Variants in ART3 observed in about 807,000 individuals in gnomAD.
The protein encoded by ART3 is ADP-ribosyltransferase 3 (inactive), also known as ecto-ADP-ribosyltransferase 3.
ART3 carries 49 observed loss-of-function variants against 48.5 expected under a neutral mutation model. The observed-to-expected ratio is 1.01, with a 90% CI of 0.80 to 1.28. The LOEUF is 1.28. Among genes scored for constraint, ART3 ranks in the 50% most tolerant of loss-of-function variants. The probability of loss-of-function intolerance (pLI) is 0.00; values close to 1 mark genes in which losing one functional copy is unlikely to be tolerated. For synonymous variants in ART3, 145 were observed against 157.2 expected, an observed-to-expected ratio of 0.92 and a Z score of 0.58; for missense variants, 438 against 454.3, an observed-to-expected ratio of 0.96 and a Z score of 0.33.
chr4:76,091,410 T>C (rs1724860244), intron 3 of ART3, among the ~76,000 whole-genome samples: 1 of 152,216 alleles, frequency 6.6e-6, no homozygotes, highest in Admixed American at 6.5e-5. Context: ...CGACACTTGA[T>C]AGATGTCTTT....
upstream of ART3, among the ~76,000 whole-genome samples, chr4:76,072,774 A>G (rs1471531165): frequency 6.6e-6 from 1 of 151,582 alleles, no homozygotes; most frequent in Non-Finnish European, 1.5e-5. Context: ...ATCTTGTACT[A>G]CTCTAATGTT....
At chr4:76,051,894 CTCTCTTTTTTTT>C (rs1352720408) in intron 1 of ART3, among the ~76,000 whole-genome samples, 1 of 111,222 alleles carries the variant, frequency 9.0e-6, no homozygotes, top group Non-Finnish European at 1.7e-5. Context: ...ATCTCTCTCT[CTCTCTTTTTTTT>C]TTTTTTTTTT....
chr4:76,073,215 G>T (rs151092576), upstream of ART3, among the ~76,000 whole-genome samples: 3 of 152,296 alleles, frequency 2.0e-5, no homozygotes, highest in South Asian at 4.1e-4. Flanking sequence ...ATGAATGAAT[G>T]AAAGAAATTT....
chr4:76,021,790 C>G (rs3921), intron 1 of ART3: 464,769 of 808,708 alleles, frequency 0.57, 139,825 homozygotes, highest in East Asian at 0.94. Flanking sequence ...TGGTGACCAT[C>G]ATTGGTCACC....
chr4:76,044,915 CG>C (rs1735351012), intron 1 of ART3, among the ~76,000 whole-genome samples: 1 of 152,076 alleles, frequency 6.6e-6, no homozygotes. Context: ...TGGCATCCAG[CG>C]GGGGTTCCCA....
chr4:76,096,234 GTAA>G (rs1225556693), intron 3 of ART3, among the ~76,000 whole-genome samples: 1 of 152,080 alleles, frequency 6.6e-6, no homozygotes, highest in Non-Finnish European at 1.5e-5. Flanking sequence ...ACAACATTTT[GTAA>G]TAATCTCTAG....
At chr4:76,011,262 A>G (rs1259978159) in exon 1 of ART3, 1 of 152,540 alleles carries the variant, frequency 6.6e-6, no homozygotes, top group African/African-American at 2.4e-5. Context: ...GCCGCTGGGT[A>G]CGTTTGCTGC....
intron 3 of ART3, among the ~76,000 whole-genome samples, chr4:76,096,793 T>C (rs1726111513): frequency 6.6e-6 from 1 of 152,206 alleles, no homozygotes; most frequent in South Asian, 2.1e-4. Context: ...CCAAATATTG[T>C]GGATTTCCTC....
intron 1 of ART3, among the ~76,000 whole-genome samples, chr4:76,062,915 C>T (rs1416271306): frequency 6.6e-6 from 1 of 151,916 alleles, no homozygotes; most frequent in Non-Finnish European, 1.5e-5. Flanking sequence ...GGCCATTGAA[C>T]AATACACTTC....
At chr4:76,109,919 T>A (rs987354607) in intron 11 of ART3, among the ~76,000 whole-genome samples, 1 of 152,238 alleles carries the variant, frequency 6.6e-6, no homozygotes, top group African/African-American at 2.4e-5. Context: ...TTCTTGGTTT[T>A]ATTTATGAAA....
chr4:76,077,390 G>A (rs79770479), intron 2 of ART3, among the ~76,000 whole-genome samples: 17,798 of 152,060 alleles, frequency 0.12, 1,383 homozygotes, highest in East Asian at 0.35. Context: ...TGGCCGTACC[G>A]CATCTTGTTT....
At chr4:76,069,217 T>A (rs1720046403) in intron 1 of ART3, among the ~76,000 whole-genome samples, 1 of 151,652 alleles carries the variant, frequency 6.6e-6, no homozygotes, top group South Asian at 2.1e-4. Flanking sequence ...GTGACTTTTT[T>A]GGGGAGATGA....
At chr4:76,112,176 C>T (rs1036579990) in intron 11 of ART3, among the ~76,000 whole-genome samples, 1 of 152,104 alleles carries the variant, frequency 6.6e-6, no homozygotes, top group African/African-American at 2.4e-5. Context: ...ACCCCAACAC[C>T]CGTATTAAGG....
At chr4:76,044,902 C>T (rs1735349417) in intron 1 of ART3, among the ~76,000 whole-genome samples, 1 of 152,086 alleles carries the variant, frequency 6.6e-6, no homozygotes, top group African/African-American at 2.4e-5. Context: ...CATAACTTCC[C>T]TGTGGCATCC....
chr4:76,104,488 T>G (rs1038578295), intron 9 of ART3, 109 bp from the exon 10 acceptor site: 1 of 1,517,980 alleles, frequency 6.6e-7, no homozygotes, highest in Admixed American at 2.2e-5. Flanking sequence ...GAAACTATAG[T>G]GCATTGGGGC....
chr4:76,036,966 G>C (rs923056054), intron 1 of ART3: 1 of 180,976 alleles, frequency 5.5e-6, no homozygotes, highest in Non-Finnish European at 1.3e-5. Context: ...TAGTGAGTTT[G>C]GTCAGGCGCC....
chr4:76,080,306 A>G (rs1054236276), intron 2 of ART3, among the ~76,000 whole-genome samples: 2 of 152,194 alleles, frequency 1.3e-5, no homozygotes, highest in African/African-American at 2.4e-5. Flanking sequence ...TATAATACAT[A>G]TATTCCTAGC....
At chr4:76,038,049 A>AATAATT (rs1734598861) in intron 1 of ART3, among the ~76,000 whole-genome samples, 1 of 144,556 alleles carries the variant, frequency 6.9e-6, no homozygotes, top group Non-Finnish European at 1.5e-5. Context: ...TTAAATGAGA[A>AATAATT]ATTCTAGAAA....
At chr4:76,078,314 C>T (rs1485776981) in intron 2 of ART3, among the ~76,000 whole-genome samples, 1 of 151,964 alleles carries the variant, frequency 6.6e-6, no homozygotes, top group East Asian at 1.9e-4. Flanking sequence ...AGGGAAAAGA[C>T]AGGAACATAG....
Sources: gnomAD v4.1 joint callset for allele counts (sites outside exome capture counted in the v4.1 genomes callset) on GRCh38, gnomAD v4.1.1 for gene constraint, MANE v1.5 for transcripts, NCBI Gene and HGNC (gene_info 2026-07-23, HGNC 2026-07-21) for gene names.